Variants in ANGEL2 observed in about 807,000 individuals in gnomAD.
ANGEL2 encodes RNA 2',3'-cyclic phosphatase ANGEL2.
Under a neutral mutation model 66.0 loss-of-function variants are expected in ANGEL2, and 41 were observed. The observed-to-expected ratio is 0.62, with a 90% CI of 0.48 to 0.81. ANGEL2 has a LOEUF of 0.81. ANGEL2 is among the 30% of genes least tolerant of loss of function. ANGEL2 has a pLI of 0.00. For missense variants in ANGEL2, 561 were observed against 641.6 expected (o/e 0.87, Z 1.36); for synonymous variants, 208 against 226.5 (o/e 0.92, Z 0.73).
At position 213,000,889 on chromosome 1, in the gene ANGEL2, TG is replaced by T. The variant is rs1229280698; in HGVS notation, c.1157del (p.Ser386TyrfsTer16). ...GAATAGATAAAATTCTTTGTCCCCG[TG>T]AAGACTGTTCCTGGCCAGATACCTA... ...IGKVSGQEQS[S>X]RGQRILSIPI... On this transcript the variant is annotated frameshift_variant, in exon 6 of 9. Transcript: ENST00000366962. LOFTEE classifies it high-confidence loss of function. The T allele has an allele frequency of 6.2e-7, 1 of 1,611,534 alleles. No homozygotes were observed. Among genetic ancestry groups the T allele is most frequent in the Non-Finnish European group, 8.5e-7 (1 of 1,179,584 alleles).
At chr1:213,008,559 C>T in intron 2 of ANGEL2, 93 bp from the exon 3 acceptor site, 1 of 1,417,914 alleles carries the variant, frequency 7.1e-7, no homozygotes, top group Non-Finnish European at 9.5e-7. Flanking sequence ...CTTAAAAATT[C>T]CCATAAGCAA....
chr1:212,997,552 C>T (rs1485045159), intron 7 of ANGEL2, among the ~76,000 whole-genome samples: 3 of 152,144 alleles, frequency 2.0e-5, no homozygotes, highest in South Asian at 4.1e-4. Flanking sequence ...AATTAACATA[C>T]TAATGTGTTT....
chr1:212,996,838 A>G (rs1199036800), intron 8 of ANGEL2, among the ~76,000 whole-genome samples: 2 of 151,652 alleles, frequency 1.3e-5, no homozygotes, highest in Non-Finnish European at 2.9e-5. Context: ...GTCACAGGAA[A>G]AACAGTAAAT....
intron 4 of ANGEL2, 102 bp downstream of exon 4, chr1:213,007,027 G>A (rs763818552): frequency 9.1e-7 from 1 of 1,101,474 alleles, no homozygotes; most frequent in Admixed American, 1.9e-5. Flanking sequence ...CCAGTAGGTT[G>A]AGGCTGTAGT....
rs1246311147 is a variant in ANGEL2, at chr1:213,005,338, C to T, written c.829G>A (p.Asp277Asn). ...SVNPVEFFRP[D>N]ISLLDRDNVG... The stretch of plus-strand genomic sequence containing the variant: ...TTGTCTCTGTCCAACAGAGAAATAT[C>T]AGGGCGGAAGAATTCCACTGGGTTC... The change falls in exon 5 of 9, where the codon GAT (aspartate) becomes AAT (asparagine). Residue 277 changes from aspartate to asparagine, a missense_variant. Transcript: ENST00000366962. 4 of 1,614,232 alleles carry T rather than the reference C, an allele frequency of 2.5e-6. No individual in the cohort carries two copies. In the East Asian group the frequency reaches 6.7e-5, roughly 27 times the overall value.
At chr1:213,000,489 G>T in intron 6 of ANGEL2, 106 bp from the exon 7 acceptor site, 1 of 995,846 alleles carries the variant, frequency 1.0e-6, no homozygotes. Context: ...TTAGAAAGAT[G>T]CCTAGTTACA....
chr1:213,015,766 C>T lies in ANGEL2; in HGVS notation c.-95G>A. On this transcript the variant is annotated 5_prime_UTR_variant, in exon 1 of 9. Coordinates refer to ENST00000366962, the MANE Select transcript of ANGEL2 (RefSeq NM_144567.5). ...GCCTAAAGTATCTAGGGAACCCCAT[C>T]ACTCTTAAGTACCGACTCCAGTCCT... The T allele has an allele frequency of 5.8e-6, 9 of 1,554,900 alleles. No individual in the cohort carries two copies. Among genetic ancestry groups the T allele is most frequent in the Admixed American group, 5.1e-5 (3 of 58,898 alleles).
chr1:212,997,116 T>C (rs751192613), intron 8 of ANGEL2, 39 bp downstream of exon 8: 2 of 1,561,308 alleles, frequency 1.3e-6, no homozygotes, highest in Non-Finnish European at 1.8e-6. Context: ...TTAGCTACTG[T>C]GCTCTCTAGG....
At chr1:212,998,397 C>T (rs2076084085) in intron 7 of ANGEL2, among the ~76,000 whole-genome samples, 1 of 151,656 alleles carries the variant, frequency 6.6e-6, no homozygotes, top group Non-Finnish European at 1.5e-5. Context: ...GAGATCAACT[C>T]TCAAATAAAA....
At position 213,003,886 on chromosome 1, in the gene ANGEL2, G is replaced by A. The variant is rs951083312; in HGVS notation, c.1134+1147C>T. Among the ~76,000 whole-genome samples, 4 of 152,130 alleles carry A rather than the reference G, an allele frequency of 2.6e-5. No individual in the cohort carries two copies. The East Asian group carries it at 7.7e-4, about 29-fold the overall frequency. On this transcript the variant is annotated intron_variant, in intron 5 of 8. Transcript: ENST00000366962. Reference sequence around the variant, plus strand: ...AAAATGAAGTATACCTGTACTAAGAGAGATTAACTCTTACAAAATTTTAAA... The same window carrying A: ...AAAATGAAGTATACCTGTACTAAGAAAGATTAACTCTTACAAAATTTTAAA...
At chr1:213,007,765 T>C (rs182244871) in intron 3 of ANGEL2, among the ~76,000 whole-genome samples, 216 of 152,340 alleles carry the variant, frequency 1.4e-3, no homozygotes, top group African/African-American at 4.9e-3. Context: ...CCATCATTAT[T>C]CTTAAACATA....
chr1:213,011,500 CT>C, intron 2 of ANGEL2: 1 of 1,069,854 alleles, frequency 9.3e-7, no homozygotes, highest in Non-Finnish European at 1.1e-6. Flanking sequence ...TGTAATCAAG[CT>C]TTATCAGTAG....
At chr1:212,996,261 A>G (rs185851095) in intron 8 of ANGEL2, among the ~76,000 whole-genome samples, 1 of 152,020 alleles carries the variant, frequency 6.6e-6, no homozygotes, top group East Asian at 1.9e-4. Flanking sequence ...GAGCTGAGAT[A>G]GCGCCACTGC....
chr1:213,015,731 C>G lies in ANGEL2; in HGVS notation c.-60G>C. ...CGGGTTCCACCTCAATCTCTATAAT[C>G]GATGCGACGGCCTAAAGTATCTAGG... On this transcript the variant is annotated 5_prime_UTR_variant, in exon 1 of 9. Coordinates refer to ENST00000366962, the MANE Select transcript of ANGEL2 (RefSeq NM_144567.5). 6.2e-7 allele frequency: 1 copy of G among 1,610,702 alleles called. No homozygotes were observed. Among genetic ancestry groups the G allele is most frequent in the Non-Finnish European group, 8.5e-7 (1 of 1,177,162 alleles).
chr1:212,997,339 G>C (rs1230397748), intron 7 of ANGEL2, 21 bp from the exon 8 acceptor site: 1 of 1,577,428 alleles, frequency 6.3e-7, no homozygotes, highest in Non-Finnish European at 8.7e-7. Flanking sequence ...AAGAAGAAGT[G>C]TTTAGAATCC....
Position 212,992,288 on chromosome 1 carries a change from G to C in ANGEL2, c.*2753C>G, listed in dbSNP as rs1384220109. 6.6e-6 allele frequency: 1 copy of C among 152,044 alleles called. No individual in the cohort carries two copies. Among genetic ancestry groups the C allele is most frequent in the Admixed American group, 6.6e-5 (1 of 15,266 alleles). The allele number at this position is 152,044 out of a possible 1,614,324, so 9.4% of individuals were successfully genotyped here. A position where few individuals can be genotyped will look rare whatever the true frequency, so the allele number is the denominator to read the frequency against. On this transcript the variant is annotated 3_prime_UTR_variant, in exon 9 of 9. Transcript: ENST00000366962. ...CTCTCTGGATCTCAAACTTTCTTTA[G>C]GAAAGCAAAGGTTAAAAGCAGACAG... is the stretch of plus-strand genomic sequence containing the variant.
At chr1:213,014,373 T>C (rs1016407652) in intron 1 of ANGEL2, among the ~76,000 whole-genome samples, 8 of 152,274 alleles carry the variant, frequency 5.3e-5, no homozygotes, top group Non-Finnish European at 1.0e-4. Flanking sequence ...CTTTATACGC[T>C]GTTATTCTCG....
In ANGEL2 at chr1:212,992,503, A is replaced by G. The variant is rs1223573588; in HGVS notation, c.*2538T>C. 2 of 152,226 alleles carry G rather than the reference A, an allele frequency of 1.3e-5. No homozygotes were observed. The highest frequency in any genetic ancestry group is 6.5e-5 in the Admixed American group (1 of 15,280). The allele number at this position is 152,226 out of a possible 1,614,324, so 9.4% of individuals were successfully genotyped here. ...ATTTAATTGTTTTTGGCAGGTAAGT[A>G]CAGGCTCTGGCAGAGTTACCAACTA... is the stretch of plus-strand genomic sequence containing the variant. On this transcript the variant is annotated 3_prime_UTR_variant, in exon 9 of 9. Transcript: ENST00000366962.
chr1:212,997,118 C>T, intron 8 of ANGEL2, 37 bp downstream of exon 8: 2 of 1,563,262 alleles, frequency 1.3e-6, no homozygotes, highest in Non-Finnish European at 1.7e-6. Context: ...AGCTACTGTG[C>T]TCTCTAGGAG....
Sources: gnomAD v4.1 joint callset for allele counts (sites outside exome capture counted in the v4.1 genomes callset) on GRCh38, gnomAD v4.1.1 for gene constraint, MANE v1.5 for transcripts, NCBI Gene and HGNC (gene_info 2026-07-23, HGNC 2026-07-21) for gene names.